Variants in LRRC37B observed in about 807,000 individuals in gnomAD.
The protein encoded by LRRC37B is leucine-rich repeat-containing protein 37B.
LRRC37B carries 28 observed loss-of-function variants against 98.3 expected under a neutral mutation model. That is an observed-to-expected ratio of 0.28 (90% CI 0.21 to 0.39). The LOEUF (loss-of-function observed/expected upper bound fraction) is 0.39, where lower values mean the gene tolerates loss of function less well. Ranked by LOEUF, LRRC37B falls within the 10% of genes least tolerant of loss-of-function variation. LRRC37B has a pLI of 1.00. For synonymous variants in LRRC37B, 364 were observed against 442.7 expected (o/e 0.82, Z 2.23); for missense variants, 938 against 1,182.7 (o/e 0.79, Z 3.03).
chr17:32,011,532 C>T (rs1910526184), intron 1 of LRRC37B, among the ~76,000 whole-genome samples: 1 of 151,130 alleles, frequency 6.6e-6, no homozygotes, highest in Non-Finnish European at 1.5e-5. Context: ...GAATCTAGCT[C>T]CGTTGCCCAG....
At chr17:32,017,912 TA>T (rs574419070), upstream of LRRC37B, 68 of 172,422 alleles carry the variant, frequency 3.9e-4, no homozygotes, top group African/African-American at 1.3e-3. Context: ...GCTACCATTA[TA>T]TTCAGGAAGT....
At chr17:32,039,506 ATATATATATATATATATG>A (rs368097076) in intron 7 of LRRC37B, among the ~76,000 whole-genome samples, 5,008 of 50,828 alleles carry the variant, frequency 0.099, 450 homozygotes, top group Non-Finnish European at 0.11. Flanking sequence ...ATATATATAT[ATATATATATATATATATG>A]TATGTATTTT....
At chr17:32,021,131 A>G in exon 1 of LRRC37B, 1 of 1,614,160 alleles carries the variant, frequency 6.2e-7, no homozygotes, top group Non-Finnish European at 8.5e-7. Flanking sequence ...CTGAGTGCAT[A>G]GCACCAGCGT....
At chr17:32,007,640 C>T (rs1910439033), upstream of LRRC37B, among the ~76,000 whole-genome samples, 1 of 151,464 alleles carries the variant, frequency 6.6e-6, no homozygotes, top group African/African-American at 2.4e-5. The surrounding 1 kb of genome is among the most constrained non-coding windows in gnomAD (Gnocchi z 4.1). Context: ...GACCAAGCAG[C>T]CCGCGGCTCC....
chr17:32,008,594 T>A (rs1910463021), intron 1 of LRRC37B, among the ~76,000 whole-genome samples: 1 of 152,196 alleles, frequency 6.6e-6, no homozygotes, highest in African/African-American at 2.4e-5. Context: ...TAAAAGGGAA[T>A]TAAGGATTTG....
chr17:32,035,440 C>A, intron 6 of LRRC37B, 125 bp from the exon 10 acceptor site: 1 of 1,015,186 alleles, frequency 9.9e-7, no homozygotes, highest in Non-Finnish European at 1.5e-6. Flanking sequence ...GGCAAATAAA[C>A]TATTGAAGTG....
intron 10 of LRRC37B, 71 bp downstream of exon 13, chr17:32,049,465 A>G (rs1911685931): frequency 6.7e-7 from 1 of 1,497,192 alleles, no homozygotes; most frequent in African/African-American, 1.4e-5. Flanking sequence ...GTGCCCACAT[A>G]GGAGAACCTG....
chr17:32,023,000 ATTCTCCAGTCTTTTACTTT>A (rs1398859751), intron 1 of LRRC37B, among the ~76,000 whole-genome samples, 175 bp downstream of exon 4: 2 of 151,478 alleles, frequency 1.3e-5, no homozygotes, highest in African/African-American at 2.4e-5. Flanking sequence ...TGTTAGACCC[ATTCTCCAGTCTTTTACTTT>A]TTCTCCAGTC....
At chr17:32,019,685 T>C, upstream of LRRC37B, among the ~76,000 whole-genome samples, 1 of 152,330 alleles carries the variant, frequency 6.6e-6, no homozygotes, top group South Asian at 2.1e-4. Flanking sequence ...TTTTTCCCTG[T>C]AAAATAATTA....
chr17:32,039,516 A>T (rs1179839771), intron 7 of LRRC37B, among the ~76,000 whole-genome samples: 1 of 44,614 alleles, frequency 2.2e-5, no homozygotes, highest in Non-Finnish European at 3.8e-5. Context: ...ATATATATAT[A>T]TATATATGTA....
intron 2 of LRRC37B, 118 bp from the exon 6 acceptor site, chr17:32,027,651 G>A (rs1395721789): frequency 1.1e-5 from 13 of 1,176,672 alleles, no homozygotes; most frequent in Non-Finnish European, 1.3e-5. Flanking sequence ...AAGCAGAGCA[G>A]ATCCCACCAT....
At chr17:32,010,999 C>CTTT (rs879813174) in intron 1 of LRRC37B, among the ~76,000 whole-genome samples, 3 of 143,288 alleles carry the variant, frequency 2.1e-5, no homozygotes, top group Non-Finnish European at 3.1e-5. Flanking sequence ...AAGGATTTCA[C>CTTT]TTTTTTTTTT....
intron 1 of LRRC37B, among the ~76,000 whole-genome samples, chr17:32,010,880 G>A (rs755578833): frequency 3.3e-5 from 5 of 152,068 alleles, no homozygotes; most frequent in African/African-American, 9.7e-5. Context: ...GAGAATATGC[G>A]ATACTTGTCT....
intron 7 of LRRC37B, among the ~76,000 whole-genome samples, chr17:32,036,976 ATTTTTTTTTTTTTT>A (rs71360793): frequency 1.7e-4 from 9 of 51,664 alleles, no homozygotes; most frequent in East Asian, 1.5e-3. Context: ...CATCTTCAGC[ATTTTTTTTTTTTTT>A]TTTTTTTTTT....
At position 32,032,865 on chromosome 17, in the gene LRRC37B, C is replaced by T. The variant is rs1413431995; in HGVS notation, c.2057+1407C>T. 7.9e-5 allele frequency among the ~76,000 whole-genome samples: 12 copies of T among 152,212 alleles called. 1 individual carries two copies. The highest frequency in any genetic ancestry group is 3.4e-3 in the Middle Eastern group (1 of 294). ...TAAGCACTTTATAACAGTGGGAGTC[C>T]CACATCAGAATCTGGTGGCCAGGAG... On this transcript the variant is annotated intron_variant, in intron 5 of 11. Transcript: ENST00000327564.
At chr17:32,047,850 G>A in exon 9 of LRRC37B, 3 of 1,614,142 alleles carry the variant, frequency 1.9e-6, no homozygotes, top group Non-Finnish European at 2.5e-6. Flanking sequence ...GCTGACTATT[G>A]AGTCGGAGGC....
chr17:32,037,661 T>A (rs1227186479), intron 7 of LRRC37B, among the ~76,000 whole-genome samples: 4 of 152,264 alleles, frequency 2.6e-5, no homozygotes, highest in Non-Finnish European at 5.9e-5. Context: ...AATTTGCATT[T>A]CTTTAATAGC....
chr17:32,020,801 C>T (rs1468948553), upstream of LRRC37B: 15 of 639,990 alleles, frequency 2.3e-5, no homozygotes, highest in Admixed American at 3.6e-5. Context: ...ATCCCAAGGC[C>T]AGGTCCCGTG....
chr17:32,022,363 C>T (rs1910822526), exon 1 of LRRC37B: 1 of 1,613,952 alleles, frequency 6.2e-7, no homozygotes, highest in Non-Finnish European at 8.5e-7. Context: ...AAGGGTCAGG[C>T]TCAGCATTCA....
Sources: gnomAD v4.1 joint callset for allele counts (sites outside exome capture counted in the v4.1 genomes callset) on GRCh38, gnomAD v4.1.1 for gene constraint, Gnocchi (gnomAD v3.1) non-coding constraint, MANE v1.5 for transcripts, NCBI Gene and HGNC (gene_info 2026-07-23, HGNC 2026-07-21) for gene names.